TBC1D19: variants seen among roughly 807,000 people sequenced by gnomAD.
The protein encoded by TBC1D19 is TBC1 domain family member 19.
TBC1D19 carries 60 observed loss-of-function variants against 89.0 expected under a neutral mutation model. The ratio of observed to expected loss-of-function variants is 0.67; its 90% CI spans 0.55 to 0.84. The LOEUF (loss-of-function observed/expected upper bound fraction) is 0.84, where lower values mean the gene tolerates loss of function less well. TBC1D19 is among the 40% of genes least tolerant of loss of function. The pLI, the probability that TBC1D19 is intolerant of heterozygous loss-of-function variation, is 0.00. For missense variants in TBC1D19, 500 were observed against 610.8 expected (o/e 0.82, Z 1.91); for synonymous variants, 189 against 199.7 (o/e 0.95, Z 0.45).
chr4:26,650,711 T>C (rs557549998), intron 7 of TBC1D19, among the ~76,000 whole-genome samples: 1 of 152,064 alleles, frequency 6.6e-6, no homozygotes, highest in East Asian at 1.9e-4. Context: ...GAAGCTCTTT[T>C]GTTTAATTAG....
At chr4:26,621,256 A>G (rs147190681) in intron 4 of TBC1D19, among the ~76,000 whole-genome samples, 78 of 152,318 alleles carry the variant, frequency 5.1e-4, no homozygotes, top group African/African-American at 1.8e-3. Context: ...AAGAAGTTCT[A>G]GCACATGCCC....
At chr4:26,635,121 G>T (rs1743044529) in intron 4 of TBC1D19, among the ~76,000 whole-genome samples, 1 of 151,988 alleles carries the variant, frequency 6.6e-6, no homozygotes. Context: ...AAAATCCAGG[G>T]ATTGGATTTT....
At chr4:26,692,259 G>A (rs181848932) in intron 13 of TBC1D19, among the ~76,000 whole-genome samples, 48 of 152,288 alleles carry the variant, frequency 3.2e-4, no homozygotes, top group Middle Eastern at 3.4e-3. Context: ...CATTGCAGAT[G>A]CTAAATTCTA....
chr4:26,756,315 G>C (rs1164313602), downstream of TBC1D19, among the ~76,000 whole-genome samples: 58 of 152,176 alleles, frequency 3.8e-4, no homozygotes, highest in Non-Finnish European at 8.8e-5. Flanking sequence ...TATCTACTCT[G>C]AGAAAATGGC....
At chr4:26,605,814 G>A (rs260946) in intron 1 of TBC1D19, among the ~76,000 whole-genome samples, 57,060 of 151,856 alleles carry the variant, frequency 0.38, 11,688 homozygotes, top group Non-Finnish European at 0.47. Context: ...GTGATGATGA[G>A]CATTTTTTTC....
chr4:26,601,125 G>A (rs1740567339), intron 1 of TBC1D19, among the ~76,000 whole-genome samples: 1 of 133,678 alleles, frequency 7.5e-6, no homozygotes, highest in African/African-American at 2.5e-5. Context: ...TATATATTGT[G>A]TATGTCTATA....
the TBC1D19 span, among the ~76,000 whole-genome samples, chr4:26,841,238 T>G: frequency 3.2e-4 from 49 of 152,006 alleles, no homozygotes; most frequent in Non-Finnish European, 5.6e-4. Context: ...AATACAAAAA[T>G]TAGCCAGGCA....
chr4:26,740,702 A>G, intron 17 of TBC1D19: 1 of 984,990 alleles, frequency 1.0e-6, no homozygotes, highest in South Asian at 4.7e-5. Context: ...CCCCCTTTGG[A>G]CCTGCTGTGG....
the TBC1D19 span, among the ~76,000 whole-genome samples, chr4:26,783,789 T>A: frequency 6.6e-6 from 1 of 152,128 alleles, no homozygotes; most frequent in African/African-American, 2.4e-5. Flanking sequence ...GGTTTTGCAT[T>A]TGGAGAAACA....
the TBC1D19 span, among the ~76,000 whole-genome samples, chr4:26,793,026 CT>C: frequency 1.3e-5 from 2 of 152,192 alleles, no homozygotes; most frequent in Non-Finnish European, 2.9e-5. Flanking sequence ...TTAAAAGTTA[CT>C]TTTTCCCCCC....
chr4:26,766,544 G>A, the TBC1D19 span, among the ~76,000 whole-genome samples: 3 of 152,156 alleles, frequency 2.0e-5, no homozygotes. Context: ...GCCATGTGAG[G>A]GAGGTAGTTG....
chr4:26,623,032 CT>C (rs778008487), intron 4 of TBC1D19, among the ~76,000 whole-genome samples: 5 of 152,114 alleles, frequency 3.3e-5, no homozygotes, highest in Non-Finnish European at 5.9e-5. Flanking sequence ...ATCTATCTGT[CT>C]TTCTATATTT....
At chr4:26,692,332 C>G (rs549703593) in intron 13 of TBC1D19, among the ~76,000 whole-genome samples, 1 of 152,206 alleles carries the variant, frequency 6.6e-6, no homozygotes, top group African/African-American at 2.4e-5. Context: ...CCCAAAAGCT[C>G]TGACTCCACT....
At chr4:26,701,727 A>G (rs986003163) in intron 13 of TBC1D19, among the ~76,000 whole-genome samples, 5 of 151,828 alleles carry the variant, frequency 3.3e-5, no homozygotes, top group African/African-American at 1.2e-4. Context: ...CAGATTAGTT[A>G]ATGTCACACA....
At chr4:26,606,333 G>A (rs1201782258) in intron 1 of TBC1D19, among the ~76,000 whole-genome samples, 1 of 152,184 alleles carries the variant, frequency 6.6e-6, no homozygotes, top group Non-Finnish European at 1.5e-5. Flanking sequence ...GTTATATGAA[G>A]AGAACTTGAA....
the TBC1D19 span, among the ~76,000 whole-genome samples, chr4:26,823,277 TA>T: frequency 6.6e-6 from 1 of 152,098 alleles, no homozygotes; most frequent in South Asian, 2.1e-4. Flanking sequence ...ATGATTCAAT[TA>T]CCTCCCACCG....
chr4:26,717,305 C>A (rs1449205251), intron 13 of TBC1D19, among the ~76,000 whole-genome samples: 1 of 152,010 alleles, frequency 6.6e-6, no homozygotes, highest in Non-Finnish European at 1.5e-5. Flanking sequence ...TGGACTGCTG[C>A]TCCCAAATTC....
intron 1 of TBC1D19, among the ~76,000 whole-genome samples, chr4:26,601,517 C>T (rs1740607035): frequency 6.6e-6 from 1 of 152,170 alleles, no homozygotes; most frequent in Non-Finnish European, 1.5e-5. Context: ...TCTTGGATAG[C>T]ACTCAAGGTG....
intron 13 of TBC1D19, among the ~76,000 whole-genome samples, chr4:26,706,308 G>T (rs181281907): frequency 3.1e-4 from 47 of 152,242 alleles, no homozygotes; most frequent in Admixed American, 3.0e-3. Flanking sequence ...TATCCAATTT[G>T]TTGGTGTACA....
Sources: allele counts gnomAD v4.1 joint callset (sites outside exome capture counted in the v4.1 genomes callset), GRCh38; gene constraint gnomAD v4.1.1; transcripts MANE v1.5; gene names NCBI Gene and HGNC (gene_info 2026-07-23, HGNC 2026-07-21).